Variants in SPAG16 observed in about 807,000 individuals in gnomAD.
The protein encoded by SPAG16 is sperm associated antigen 16, also known as sperm-associated antigen 16 protein.
SPAG16 carries 86 observed loss-of-function variants against 80.4 expected under a neutral mutation model. The observed-to-expected ratio is 1.07, with a 90% CI of 0.90 to 1.28. SPAG16 has a LOEUF of 1.28. SPAG16 is among the 50% of genes most tolerant of loss of function. SPAG16 has a pLI of 0.00. For missense variants in SPAG16, 870 were observed against 765.3 expected (o/e 1.14, Z -1.61); for synonymous variants, 294 against 265.9 (o/e 1.11, Z -1.03).
intron 15 of SPAG16, among the ~76,000 whole-genome samples, chr2:214,359,940 G>T (rs747715892): frequency 6.6e-6 from 1 of 151,834 alleles, no homozygotes; most frequent in African/African-American, 2.4e-5. Context: ...AGAAGATTTA[G>T]TCTACAATTG....
chr2:214,146,805 C>A (rs909640088), intron 14 of SPAG16, among the ~76,000 whole-genome samples: 1 of 152,018 alleles, frequency 6.6e-6, no homozygotes, highest in Non-Finnish European at 1.5e-5. Flanking sequence ...TCAAGACCAT[C>A]CTGGCTAACA....
chr2:214,389,562 A>G (rs1700949885), intron 15 of SPAG16, among the ~76,000 whole-genome samples: 1 of 152,244 alleles, frequency 6.6e-6, no homozygotes, highest in Non-Finnish European at 1.5e-5. Flanking sequence ...ACAGATTTTA[A>G]TGTAGAATGT....
intron 10 of SPAG16, among the ~76,000 whole-genome samples, chr2:213,738,395 G>A (rs2372099): frequency 0.92 from 140,761 of 152,236 alleles, 66,121 homozygotes; most frequent in East Asian, 1. Context: ...GAGCATATGA[G>A]AGTGATGACT....
intron 15 of SPAG16, among the ~76,000 whole-genome samples, chr2:214,179,223 T>C (rs1256624438): frequency 6.6e-6 from 1 of 151,430 alleles, no homozygotes; most frequent in Admixed American, 6.6e-5. Context: ...GATCCAATTC[T>C]CTGGTCAATT....
rs113226827 is a variant in SPAG16, at chr2:214,320,024, T to C, written c.1721-90116T>C. 6.0e-4 allele frequency among the ~76,000 whole-genome samples: 91 copies of C among 152,358 alleles called. 1 individual carries two copies. The Middle Eastern group carries it at 0.01, about 17-fold the overall frequency. On this transcript the variant is annotated intron_variant, in intron 15 of 15. Coordinates refer to ENST00000331683, the MANE Select transcript of SPAG16 (RefSeq NM_024532.5). ...ATTACACACAGGATACAAGCTCAGG[T>C]GAAATCGTTCTGTCAATTTCAGTAA...
At chr2:213,692,214 C>T (rs12613612) in intron 10 of SPAG16, among the ~76,000 whole-genome samples, 47,773 of 151,936 alleles carry the variant, frequency 0.31, 7,775 homozygotes, top group Middle Eastern at 0.42. Context: ...ATTATTGTCA[C>T]TCAAAAATAA....
intron 3 of SPAG16, among the ~76,000 whole-genome samples, chr2:213,299,165 A>G (rs779631695): frequency 2.6e-5 from 4 of 152,218 alleles, no homozygotes; most frequent in African/African-American, 4.8e-5. Flanking sequence ...TGAAGATTGC[A>G]AGTAAATGGT....
intron 10 of SPAG16, among the ~76,000 whole-genome samples, chr2:213,855,204 G>A (rs2105921650): frequency 6.6e-6 from 1 of 152,294 alleles, no homozygotes; most frequent in Admixed American, 6.5e-5. Flanking sequence ...CAGTTCTTTA[G>A]AAACTTCAAA....
At chr2:213,842,385 C>T (rs2074404216) in intron 10 of SPAG16, among the ~76,000 whole-genome samples, 1 of 151,796 alleles carries the variant, frequency 6.6e-6, no homozygotes, top group African/African-American at 2.4e-5. Flanking sequence ...ACAGTAAGAA[C>T]CAGGAGTAGT....
intron 10 of SPAG16, among the ~76,000 whole-genome samples, chr2:213,823,187 C>G (rs1421910724): frequency 6.6e-6 from 1 of 152,160 alleles, no homozygotes; most frequent in African/African-American, 2.4e-5. Context: ...TACATTCCCA[C>G]CAAAAGTGTA....
chr2:213,791,973 T>G (rs2070726785), intron 10 of SPAG16, among the ~76,000 whole-genome samples: 1 of 152,218 alleles, frequency 6.6e-6, no homozygotes, highest in Non-Finnish European at 1.5e-5. Flanking sequence ...TGCAACACAT[T>G]GGAAGCCAAC....
chr2:213,980,616 A>G (rs1559653946), intron 12 of SPAG16, among the ~76,000 whole-genome samples: 2 of 144,256 alleles, frequency 1.4e-5, no homozygotes, highest in African/African-American at 2.6e-5. Flanking sequence ...GAGTATATGT[A>G]TATATATAGA....
chr2:213,812,398 G>A (rs2072219573), intron 10 of SPAG16, among the ~76,000 whole-genome samples: 1 of 152,202 alleles, frequency 6.6e-6, no homozygotes, highest in Non-Finnish European at 1.5e-5. Flanking sequence ...TTAGTAGTTG[G>A]AGGCTAAGAG....
chr2:213,465,955 G>A (rs529154143), intron 9 of SPAG16, among the ~76,000 whole-genome samples: 25 of 152,310 alleles, frequency 1.6e-4, no homozygotes, highest in Non-Finnish European at 2.9e-4. Flanking sequence ...AATGGACTGG[G>A]AAAGGCAGAC....
chr2:214,176,144 TG>T (rs1327847071), intron 15 of SPAG16, among the ~76,000 whole-genome samples: 2 of 151,454 alleles, frequency 1.3e-5, no homozygotes, highest in African/African-American at 4.8e-5. Flanking sequence ...TAAAGGCTTT[TG>T]TTGATGACAA....
intron 14 of SPAG16, among the ~76,000 whole-genome samples, chr2:214,114,519 C>G (rs2053834454): frequency 6.6e-6 from 1 of 152,194 alleles, no homozygotes; most frequent in South Asian, 2.1e-4. Context: ...GGATGCCCCT[C>G]CCCCTGCCAG....
intron 9 of SPAG16, among the ~76,000 whole-genome samples, chr2:213,452,936 G>T (rs1469479821): frequency 1.3e-5 from 2 of 152,132 alleles, no homozygotes; most frequent in African/African-American, 4.8e-5. Flanking sequence ...TAAAATATTA[G>T]AATTCAGTTT....
intron 13 of SPAG16, among the ~76,000 whole-genome samples, chr2:214,030,983 A>T (rs2048377002): frequency 6.6e-6 from 1 of 152,198 alleles, no homozygotes; most frequent in Non-Finnish European, 1.5e-5. Flanking sequence ...ATGATTCTTC[A>T]GGGAGTCTTT....
intron 15 of SPAG16, among the ~76,000 whole-genome samples, chr2:214,153,268 C>T (rs1470698482): frequency 6.6e-6 from 1 of 152,120 alleles, no homozygotes; most frequent in African/African-American, 2.4e-5. Context: ...GGCTCGCACT[C>T]TTGTCTTCTG....
Sources: allele counts gnomAD v4.1 joint callset (sites outside exome capture counted in the v4.1 genomes callset), GRCh38; gene constraint gnomAD v4.1.1; transcripts MANE v1.5; gene names NCBI Gene and HGNC (gene_info 2026-07-23, HGNC 2026-07-21).